GALNT13: variants seen among roughly 807,000 people sequenced by gnomAD.
GALNT13 encodes the protein polypeptide N-acetylgalactosaminyltransferase 13.
In GALNT13, 28 loss-of-function variants were observed where a neutral mutation model predicts 64.2. The ratio of observed to expected loss-of-function variants is 0.44; its 90% CI spans 0.32 to 0.60. The LOEUF (loss-of-function observed/expected upper bound fraction) is 0.60, where lower values mean the gene tolerates loss of function less well. Ranked by LOEUF, GALNT13 falls within the 20% of genes least tolerant of loss-of-function variation. The pLI is 0.05. For missense variants in GALNT13, 577 were observed against 669.8 expected (o/e 0.86, Z 1.53); for synonymous variants, 214 against 224.6 (o/e 0.95, Z 0.42).
At chr2:153,553,438 G>T in the GALNT13 span, among the ~76,000 whole-genome samples, 1 of 152,134 alleles carries the variant, frequency 6.6e-6, no homozygotes, top group East Asian at 1.9e-4. Context: ...GGAGGTCAAG[G>T]CTGCAGTGAG....
the GALNT13 span, among the ~76,000 whole-genome samples, chr2:153,112,218 G>A: frequency 6.6e-6 from 1 of 152,034 alleles, no homozygotes; most frequent in Non-Finnish European, 1.5e-5. Flanking sequence ...GTAGAATAAA[G>A]CGAGCATGCT....
chr2:153,093,458 C>A, the GALNT13 span, among the ~76,000 whole-genome samples: 1 of 151,870 alleles, frequency 6.6e-6, no homozygotes, highest in African/African-American at 2.4e-5. Flanking sequence ...AGGCTGGTCT[C>A]GAACTCCTGA....
chr2:154,239,323 A>G (rs544998208), intron 4 of GALNT13, among the ~76,000 whole-genome samples: 2 of 152,296 alleles, frequency 1.3e-5, no homozygotes, highest in South Asian at 2.1e-4. Context: ...TTAAAAAATG[A>G]TGCTGAGTAG....
At chr2:154,408,877 AGTT>A (rs1438730927) in intron 10 of GALNT13, 104 bp from the exon 11 acceptor site, 1 of 701,606 alleles carries the variant, frequency 1.4e-6, no homozygotes, top group Admixed American at 2.7e-5. Context: ...TTTCTTATGA[AGTT>A]GTATTATTCA....
chr2:153,379,810 A>G, the GALNT13 span, among the ~76,000 whole-genome samples: 1 of 152,182 alleles, frequency 6.6e-6, no homozygotes, highest in Non-Finnish European at 1.5e-5. Flanking sequence ...CATTATGCAT[A>G]TGAAACTTTT....
chr2:153,913,439 CAGTTCCCCTAAGGCTAA>C (rs1277647052), intron 2 of GALNT13, among the ~76,000 whole-genome samples: 1 of 152,174 alleles, frequency 6.6e-6, no homozygotes, highest in Non-Finnish European at 1.5e-5. Flanking sequence ...TCAGGTTGGA[CAGTTCCCCTAAGGCTAA>C]AGTCTCCTAT....
the GALNT13 span, among the ~76,000 whole-genome samples, chr2:153,375,111 C>A: frequency 1.3e-5 from 2 of 152,080 alleles, no homozygotes; most frequent in Non-Finnish European, 2.9e-5. Context: ...TATTGCGATG[C>A]ACATATTTTA....
At chr2:154,297,857 G>A (rs1237319763) in intron 8 of GALNT13, among the ~76,000 whole-genome samples, 3 of 151,580 alleles carry the variant, frequency 2.0e-5, no homozygotes, top group Non-Finnish European at 4.4e-5. Context: ...GTGAATGTTG[G>A]CACCATATAC....
the GALNT13 span, among the ~76,000 whole-genome samples, chr2:153,283,748 A>G: frequency 6.6e-6 from 1 of 152,100 alleles, no homozygotes; most frequent in Non-Finnish European, 1.5e-5. Context: ...TAGGAAGGGT[A>G]AGGCCATTCT....
intron 3 of GALNT13, among the ~76,000 whole-genome samples, chr2:154,029,456 C>A (rs1255676082): frequency 6.6e-6 from 1 of 152,068 alleles, no homozygotes; most frequent in Non-Finnish European, 1.5e-5. Context: ...ATCCTCAACA[C>A]AAGAGAATAC....
chr2:154,132,547 A>G (rs1682678879), intron 3 of GALNT13, among the ~76,000 whole-genome samples: 1 of 152,022 alleles, frequency 6.6e-6, no homozygotes, highest in Non-Finnish European at 1.5e-5. Context: ...TACACTTATA[A>G]TGGGATCCAT....
At chr2:154,025,562 A>G (rs1461549540) in intron 3 of GALNT13, among the ~76,000 whole-genome samples, 2 of 152,098 alleles carry the variant, frequency 1.3e-5, no homozygotes, top group Non-Finnish European at 2.9e-5. Context: ...ATTCAGTATT[A>G]TCCCACTTAA....
At chr2:153,221,409 C>T in the GALNT13 span, among the ~76,000 whole-genome samples, 4 of 152,174 alleles carry the variant, frequency 2.6e-5, no homozygotes, top group Admixed American at 2.6e-4. Flanking sequence ...GAAAAAAATA[C>T]ATCATGATAG....
At chr2:153,738,014 C>G in the GALNT13 span, among the ~76,000 whole-genome samples, 1 of 151,866 alleles carries the variant, frequency 6.6e-6, no homozygotes, top group Non-Finnish European at 1.5e-5. Flanking sequence ...CTAATGTTAA[C>G]CTTTCTATCT....
the GALNT13 span, among the ~76,000 whole-genome samples, chr2:153,614,666 T>C: frequency 1.3e-5 from 2 of 152,138 alleles, no homozygotes; most frequent in Non-Finnish European, 2.9e-5. Flanking sequence ...TCTCAAAATA[T>C]GTTTAAAATT....
the GALNT13 span, among the ~76,000 whole-genome samples, chr2:153,671,792 G>A: frequency 6.6e-6 from 1 of 152,140 alleles, no homozygotes; most frequent in African/African-American, 2.4e-5. Context: ...TTGGTGTGCT[G>A]TATTCAGGAG....
chr2:153,553,741 A>T, the GALNT13 span, among the ~76,000 whole-genome samples: 1 of 152,140 alleles, frequency 6.6e-6, no homozygotes, highest in Non-Finnish European at 1.5e-5. Context: ...GAACGAGGGA[A>T]CCAGGGCTGT....
the GALNT13 span, among the ~76,000 whole-genome samples, chr2:153,668,767 C>A: frequency 6.6e-6 from 1 of 152,188 alleles, no homozygotes; most frequent in African/African-American, 2.4e-5. Flanking sequence ...CCCTAGGATC[C>A]CCACACACTT....
intron 9 of GALNT13, among the ~76,000 whole-genome samples, chr2:154,387,812 C>T (rs1698588460): frequency 6.6e-6 from 1 of 152,116 alleles, no homozygotes; most frequent in African/African-American, 2.4e-5. Context: ...CTCTCTTTAT[C>T]TGTTCATCTG....
Sources: allele counts gnomAD v4.1 joint callset (sites outside exome capture counted in the v4.1 genomes callset), GRCh38; gene constraint gnomAD v4.1.1; transcripts MANE v1.5; gene names NCBI Gene and HGNC (gene_info 2026-07-23, HGNC 2026-07-21).